The following SLC16A7 variants were observed in gnomAD, a reference collection of about 807,000 sequenced individuals.
SLC16A7 encodes the protein monocarboxylate transporter 2.
Under a neutral mutation model 34.9 loss-of-function variants are expected in SLC16A7, and 33 were observed. That is an observed-to-expected ratio of 0.94 (90% CI 0.72 to 1.26). The LOEUF is 1.26. Among genes scored for constraint, SLC16A7 ranks in the 50% most tolerant of loss-of-function variants. The pLI, the probability that SLC16A7 is intolerant of heterozygous loss-of-function variation, is 0.00. For missense variants in SLC16A7, 573 were observed against 578.1 expected, an observed-to-expected ratio of 0.99 and a Z score of 0.09; for synonymous variants, 201 against 206.6, an observed-to-expected ratio of 0.97 and a Z score of 0.23.
intron 3 of SLC16A7, among the ~76,000 whole-genome samples, chr12:59,758,444 G>T (rs141431296): frequency 7.9e-5 from 12 of 151,906 alleles, no homozygotes; most frequent in Non-Finnish European, 1.6e-4. Context: ...ACTAGCATGA[G>T]GTATCCTCAA....
At position 59,775,225 on chromosome 12, in the gene SLC16A7, A is replaced by G; in HGVS notation, c.930A>G (p.Arg310=). Residue 310 remains arginine, a synonymous_variant, in exon 5 of 6, where the codon CGA becomes CGG. Coordinates refer to ENST00000547379, the MANE Select transcript of SLC16A7 (RefSeq NM_001270623.2). ...TAATTGCAAACTCCAAATATATTCGACCTCGAATTCAGTACTTCTTCAGTT... is the reference window on the plus strand; with the variant it reads ...TAATTGCAAACTCCAAATATATTCGGCCTCGAATTCAGTACTTCTTCAGTT... The part of the protein sequence containing the change: ...VGLIANSKYI[R]PRIQYFFSFA... 6.2e-7 allele frequency: 1 copy of G among 1,614,028 alleles called. No homozygotes were observed. The highest frequency in any genetic ancestry group is 8.5e-7 in the Non-Finnish European group (1 of 1,179,996).
chr12:59,709,517 C>T (rs1474018589), intron 3 of SLC16A7, among the ~76,000 whole-genome samples: 1 of 151,356 alleles, frequency 6.6e-6, no homozygotes, highest in Non-Finnish European at 1.5e-5. Context: ...CTACATTGTG[C>T]CCTAATATTT....
intron 2 of SLC16A7, among the ~76,000 whole-genome samples, chr12:59,664,276 AAGGTTAT>A (rs1869018547): frequency 2.0e-5 from 3 of 152,136 alleles, no homozygotes; most frequent in Non-Finnish European, 2.9e-5. Flanking sequence ...CATTTTTCCA[AAGGTTAT>A]AGTAATTTCT....
intron 1 of SLC16A7, among the ~76,000 whole-genome samples, chr12:59,627,395 T>C (rs1222176406): frequency 6.6e-6 from 1 of 151,912 alleles, no homozygotes; most frequent in Non-Finnish European, 1.5e-5. Flanking sequence ...GTAAATAAGG[T>C]TATCATACGG....
chr12:59,690,348 T>G (rs1031889705), intron 2 of SLC16A7, among the ~76,000 whole-genome samples: 6 of 152,032 alleles, frequency 3.9e-5, no homozygotes, highest in African/African-American at 1.4e-4. Flanking sequence ...CTTTCTATAT[T>G]TTCTGAGTTC....
At chr12:59,712,814 G>GT (rs1183600012) in intron 3 of SLC16A7, among the ~76,000 whole-genome samples, 2 of 152,036 alleles carry the variant, frequency 1.3e-5, no homozygotes, top group East Asian at 3.9e-4. Context: ...TCATAGCTTG[G>GT]TTTTTTTAAT....
At chr12:59,659,395 A>G (rs1032955171) in intron 2 of SLC16A7, among the ~76,000 whole-genome samples, 1 of 151,894 alleles carries the variant, frequency 6.6e-6, no homozygotes, top group Admixed American at 6.6e-5. Context: ...TAATTTCTCA[A>G]CCCTCATCCT....
Position 59,779,699 on chromosome 12 carries a change from T to C in SLC16A7, c.*20T>C. 3 of 1,588,562 alleles carry C rather than the reference T, an allele frequency of 1.9e-6. No individual in the cohort carries two copies. Among genetic ancestry groups the C allele is most frequent in the Non-Finnish European group, 2.6e-6 (3 of 1,164,198 alleles). On this transcript the variant is annotated 3_prime_UTR_variant, in exon 6 of 6. Transcript: ENST00000547379. ...ATTTAACAAGAATCACATCTCTGAT[T>C]TCAGTGTTTATGACTTTATCTAGGA...
intron 1 of SLC16A7, among the ~76,000 whole-genome samples, chr12:59,642,249 T>C (rs527365556): frequency 6.6e-6 from 1 of 152,146 alleles, no homozygotes; most frequent in East Asian, 1.9e-4. Flanking sequence ...TCCTTACCTA[T>C]AGTCCTGTTA....
intron 3 of SLC16A7, among the ~76,000 whole-genome samples, chr12:59,706,331 G>A (rs1023636816): frequency 9.9e-5 from 15 of 151,708 alleles, no homozygotes; most frequent in Admixed American, 2.6e-4. Flanking sequence ...GTTGTACTAC[G>A]AAGGTAAACA....
At chr12:59,766,676 G>A (rs887039630) in intron 3 of SLC16A7, among the ~76,000 whole-genome samples, 4 of 152,190 alleles carry the variant, frequency 2.6e-5, no homozygotes, top group Admixed American at 1.3e-4. Context: ...TCCCAGGCAT[G>A]AAGCCCACTT....
chr12:59,655,391 T>C (rs1009821452), intron 2 of SLC16A7, 141 bp downstream of exon 2: 2 of 151,992 alleles, frequency 1.3e-5, no homozygotes, highest in Admixed American at 6.6e-5. Flanking sequence ...ATAGGACATA[T>C]CTTAAAGTTG....
chr12:59,646,471 C>T (rs1355189186), intron 1 of SLC16A7, among the ~76,000 whole-genome samples: 1 of 152,182 alleles, frequency 6.6e-6, no homozygotes, highest in Non-Finnish European at 1.5e-5. Flanking sequence ...GTTTGGAGAC[C>T]TCCACCTAGA....
intron 1 of SLC16A7, among the ~76,000 whole-genome samples, chr12:59,652,154 C>T (rs1868353013): frequency 6.6e-6 from 1 of 151,832 alleles, no homozygotes; most frequent in Admixed American, 6.6e-5. Context: ...AAAACAGTCT[C>T]TTATTTTTGG....
At chr12:59,760,844 C>T (rs920665935) in intron 3 of SLC16A7, among the ~76,000 whole-genome samples, 1 of 151,978 alleles carries the variant, frequency 6.6e-6, no homozygotes, top group African/African-American at 2.4e-5. Flanking sequence ...TATTTTTGGA[C>T]CTTTGTTGAC....
chr12:59,766,142 G>C (rs540083188), intron 3 of SLC16A7, among the ~76,000 whole-genome samples: 1 of 151,490 alleles, frequency 6.6e-6, no homozygotes, highest in African/African-American at 2.4e-5. Flanking sequence ...GTTTGTTATT[G>C]GTGTATAGGA....
rs190131533 is a variant in SLC16A7 at position 59,779,842 on chromosome 12, A to G, written c.*163A>G. 9 of 579,072 alleles carry G rather than the reference A, an allele frequency of 1.6e-5. 1 individual carries two copies. The Admixed American group carries it at 3.2e-4, about 20-fold the overall frequency. 35.9% of individuals were successfully genotyped at this position (579,072 alleles called of 1,614,324 possible). On this transcript the variant is annotated 3_prime_UTR_variant, in exon 6 of 6. Transcript: ENST00000547379. ...ATGGCAAATTTTAAATTAGTTTTTAAAAACTTACTTATTTGGGTAGTTAAA... is the reference window on the plus strand; with the variant it reads ...ATGGCAAATTTTAAATTAGTTTTTAGAAACTTACTTATTTGGGTAGTTAAA...
chr12:59,762,621 C>T (rs1269274183), intron 3 of SLC16A7, among the ~76,000 whole-genome samples: 1 of 151,926 alleles, frequency 6.6e-6, no homozygotes, highest in Non-Finnish European at 1.5e-5. Context: ...GAAACAGTAA[C>T]TTCTTTCTAA....
At chr12:59,649,642 AT>A (rs1868306856) in intron 1 of SLC16A7, among the ~76,000 whole-genome samples, 2 of 152,088 alleles carry the variant, frequency 1.3e-5, no homozygotes, top group South Asian at 4.1e-4. Flanking sequence ...GCCTTACTTA[AT>A]AGTATTTTAC....
Sources: gnomAD v4.1 joint callset for allele counts (sites outside exome capture counted in the v4.1 genomes callset) on GRCh38, gnomAD v4.1.1 for gene constraint, MANE v1.5 for transcripts, NCBI Gene and HGNC (gene_info 2026-07-23, HGNC 2026-07-21) for gene names.